GRIN2A: variants seen among roughly 807,000 people sequenced by gnomAD.
GRIN2A encodes the protein glutamate receptor ionotropic, NMDA 2A.
A neutral mutation model predicts 113.4 loss-of-function variants in GRIN2A; 22 were observed. The ratio of observed to expected loss-of-function variants is 0.19; its 90% confidence interval spans 0.14 to 0.28. The LOEUF (loss-of-function observed/expected upper bound fraction) is 0.28. Among genes scored for constraint, GRIN2A ranks in the 10% least tolerant of loss-of-function variants. The pLI is 1.00. For missense variants in GRIN2A, 1,502 were observed against 1,887.0 expected (o/e 0.80, Z 3.78); for synonymous variants, 827 against 738.4 (o/e 1.12, Z -1.94).
chr16:9,893,305 TG>T (rs1442533410), intron 3 of GRIN2A, among the ~76,000 whole-genome samples: 1 of 152,214 alleles, frequency 6.6e-6, no homozygotes, highest in Admixed American at 6.5e-5. Flanking sequence ...TTTTTGTGTG[TG>T]TATCTTTGTA....
At chr16:10,144,902 C>T (rs2049404367) in intron 2 of GRIN2A, among the ~76,000 whole-genome samples, 1 of 96,216 alleles carries the variant, frequency 1.0e-5, no homozygotes, top group South Asian at 3.8e-4. Context: ...GCCTGGGCGA[C>T]AGAGCAAGAC....
At chr16:10,015,901 G>GGGAGGATCACC (rs1399266153) in intron 2 of GRIN2A, among the ~76,000 whole-genome samples, 1 of 151,970 alleles carries the variant, frequency 6.6e-6, no homozygotes, top group Non-Finnish European at 1.5e-5. Context: ...AGGTCGAGGT[G>GGGAGGATCACC]GGAGGATCAC....
At chr16:10,027,451 C>T (rs1376818956) in intron 2 of GRIN2A, 1 of 152,272 alleles carries the variant, frequency 6.6e-6, no homozygotes, top group Admixed American at 6.5e-5. Flanking sequence ...TCATAGGAGC[C>T]TGGCTGCCCA....
At chr16:9,988,136 A>G (rs1328408369) in intron 2 of GRIN2A, among the ~76,000 whole-genome samples, 1 of 152,142 alleles carries the variant, frequency 6.6e-6, no homozygotes, top group Non-Finnish European at 1.5e-5. Context: ...AGAATACCAG[A>G]TCTCAAGAGA....
chr16:9,927,837 T>C (rs1379632280), intron 3 of GRIN2A, among the ~76,000 whole-genome samples: 2 of 152,212 alleles, frequency 1.3e-5, no homozygotes, highest in Non-Finnish European at 1.5e-5. Flanking sequence ...TTAATAGTGA[T>C]GGAAATGAAA....
At chr16:9,991,703 T>C (rs571682249) in intron 2 of GRIN2A, among the ~76,000 whole-genome samples, 4 of 152,296 alleles carry the variant, frequency 2.6e-5, no homozygotes, top group African/African-American at 7.2e-5. Context: ...ATATACACCA[T>C]GGAATACTAT....
chr16:9,910,537 C>CTTTTTTTT lies in GRIN2A; in HGVS notation c.1008-19445_1008-19438dup, dbSNP rs35352418. Among the ~76,000 whole-genome samples, 647 of 123,240 alleles carry CTTTTTTTT rather than the reference C, an allele frequency of 5.2e-3. 11 individuals carry two copies. The highest frequency in any genetic ancestry group is 0.019 in the African/African-American group (621 of 32,290). The allele number at this position is 123,240 out of a possible 152,430, so 80.9% of individuals were successfully genotyped here. On this transcript the variant is annotated intron_variant, in intron 3 of 12. Coordinates refer to ENST00000330684, the MANE Select transcript of GRIN2A (RefSeq NM_001134407.3). ...GAGTCTCATATGAAGTCTCAGAGTT[C>CTTTTTTTT]TTTTTTTTTTTTTTTTTTTTGAGAC...
intron 3 of GRIN2A, among the ~76,000 whole-genome samples, chr16:9,898,786 G>C (rs540226033): frequency 7.1e-6 from 1 of 141,100 alleles, no homozygotes; most frequent in Non-Finnish European, 1.5e-5. Flanking sequence ...CATTTTCACA[G>C]AGTGTTTTTT....
intron 4 of GRIN2A, among the ~76,000 whole-genome samples, chr16:9,860,319 G>A (rs1320333731): frequency 6.6e-6 from 1 of 151,776 alleles, no homozygotes; most frequent in East Asian, 1.9e-4. Context: ...AGCCAGGCAT[G>A]GGTCTGTAAT....
intron 3 of GRIN2A, among the ~76,000 whole-genome samples, chr16:9,933,193 T>C (rs1273026251): frequency 6.6e-6 from 1 of 152,170 alleles, no homozygotes; most frequent in African/African-American, 2.4e-5. Flanking sequence ...ATATTAAACA[T>C]GAAGAAAATG....
rs1227182791 is a variant in GRIN2A, at chr16:9,760,173, AC to A, written c.*2975del. On this transcript the variant is annotated 3_prime_UTR_variant, in exon 13 of 13. Transcript: ENST00000330684. ...TAAGAACTCAGAGCTGGGATATGTT[AC>A]GGGAATCTTCTGTGATAGATCTATA... is the stretch of plus-strand genomic sequence containing the variant. 18 of 226,360 alleles carry A rather than the reference AC, an allele frequency of 8.0e-5. No individual in the cohort carries two copies. The highest frequency in any genetic ancestry group is 1.3e-4 in the Non-Finnish European group (15 of 113,834). 14.0% of individuals were successfully genotyped at this position (226,360 alleles called of 1,614,324 possible). A position where few individuals can be genotyped will look rare whatever the true frequency, so the allele number is the denominator to read the frequency against.
chr16:10,135,970 C>A (rs2049183128), intron 2 of GRIN2A, among the ~76,000 whole-genome samples: 1 of 152,202 alleles, frequency 6.6e-6, no homozygotes. Context: ...TCATCATACT[C>A]CGTCCCTAAC....
At chr16:10,124,633 G>A (rs2142194303) in intron 2 of GRIN2A, among the ~76,000 whole-genome samples, 1 of 152,218 alleles carries the variant, frequency 6.6e-6, no homozygotes, top group South Asian at 2.1e-4. Flanking sequence ...GAGATGGCAG[G>A]GAAAGATACA....
chr16:10,127,957 G>C (rs2142206842), intron 2 of GRIN2A, among the ~76,000 whole-genome samples: 1 of 152,236 alleles, frequency 6.6e-6, no homozygotes, highest in Middle Eastern at 3.4e-3. Context: ...ATTTAGAGTG[G>C]GGGCTTAGAA....
intron 3 of GRIN2A, among the ~76,000 whole-genome samples, chr16:9,894,489 T>G (rs1323212701): frequency 6.6e-6 from 1 of 152,174 alleles, no homozygotes; most frequent in African/African-American, 2.4e-5. Flanking sequence ...CTTTGATGTT[T>G]CCTGGCTGGA....
At chr16:10,165,991 G>A (rs1234636889) in intron 2 of GRIN2A, among the ~76,000 whole-genome samples, 6 of 152,122 alleles carry the variant, frequency 3.9e-5, no homozygotes, top group African/African-American at 1.2e-4. Flanking sequence ...CAGAACTACA[G>A]CAAGCCTGCC....
At chr16:10,076,667 G>T (rs2047879090) in intron 2 of GRIN2A, among the ~76,000 whole-genome samples, 1 of 152,190 alleles carries the variant, frequency 6.6e-6, no homozygotes, top group South Asian at 2.1e-4. Context: ...ACCTCAAGCA[G>T]CTCATAGTCT....
At chr16:10,159,997 G>T (rs1387466907) in intron 2 of GRIN2A, among the ~76,000 whole-genome samples, 1 of 152,208 alleles carries the variant, frequency 6.6e-6, no homozygotes, top group East Asian at 1.9e-4. Context: ...AAAGGAAACA[G>T]ACTCTTCCCC....
chr16:10,041,819 T>C (rs769086682), intron 2 of GRIN2A, among the ~76,000 whole-genome samples: 1 of 152,184 alleles, frequency 6.6e-6, no homozygotes, highest in African/African-American at 2.4e-5. Context: ...AAGCCCACCT[T>C]CTCAGTGAAG....
Sources: gnomAD v4.1 joint callset for allele counts (sites outside exome capture counted in the v4.1 genomes callset) on GRCh38, gnomAD v4.1.1 for gene constraint, MANE v1.5 for transcripts, NCBI Gene and HGNC (gene_info 2026-07-23, HGNC 2026-07-21) for gene names.